CD69: variants seen among roughly 807,000 people sequenced by gnomAD.
CD69 encodes CD69 molecule.
In CD69, 10 loss-of-function variants were observed where a neutral mutation model predicts 21.4. That is an observed-to-expected ratio of 0.47 (90% CI 0.29 to 0.79). The LOEUF is 0.79. CD69 is among the 30% of genes least tolerant of loss of function. The pLI is 0.09. For synonymous variants in CD69, 63 were observed against 78.2 expected, an observed-to-expected ratio of 0.81 and a Z score of 1.03; for missense variants, 204 against 236.9, an observed-to-expected ratio of 0.86 and a Z score of 0.91.
chr12:9,760,727 A>C, intron 1 of CD69, 30 bp downstream of exon 1: 1 of 1,526,792 alleles, frequency 6.5e-7, no homozygotes. Flanking sequence ...GAGATACCAG[A>C]GAGTAAATAG....
At chr12:9,758,267 C>T (rs183870410) in intron 1 of CD69, among the ~76,000 whole-genome samples, 1 of 152,108 alleles carries the variant, frequency 6.6e-6, no homozygotes, top group Non-Finnish European at 1.5e-5. Flanking sequence ...TCTTAAAATG[C>T]GGCCCCACAA....
chr12:9,753,725 C>G (rs1866650216), intron 4 of CD69, 136 bp from the exon 5 acceptor site: 1 of 464,868 alleles, frequency 2.2e-6, no homozygotes, highest in East Asian at 3.4e-5. Flanking sequence ...TAATCATAGA[C>G]TAATCTGTAG....
intron 1 of CD69, among the ~76,000 whole-genome samples, 179 bp downstream of exon 1, chr12:9,760,578 G>A (rs1866724634): frequency 6.6e-6 from 1 of 152,112 alleles, no homozygotes; most frequent in Non-Finnish European, 1.5e-5. Flanking sequence ...TTCTCTAAAA[G>A]ACAAAGCCTC....
At chr12:9,759,910 A>G (rs1470672134) in intron 1 of CD69, among the ~76,000 whole-genome samples, 2 of 152,236 alleles carry the variant, frequency 1.3e-5, no homozygotes, top group African/African-American at 2.4e-5. Flanking sequence ...AATAAGCTAG[A>G]TATGTGGATA....
chr12:9,757,090 T>A (rs1358796591), intron 1 of CD69, among the ~76,000 whole-genome samples: 7 of 152,084 alleles, frequency 4.6e-5, no homozygotes, highest in Admixed American at 2.0e-4. Context: ...AAAAAATAAA[T>A]AAATAAATAA....
intron 3 of CD69, 181 bp downstream of exon 3, chr12:9,754,881 A>C (rs1866665456): frequency 1.5e-6 from 1 of 682,768 alleles, no homozygotes; most frequent in East Asian, 2.7e-5. Flanking sequence ...TTAAAAGATT[A>C]AATTAAATCT....
Position 9,753,363 on chromosome 12 carries a change from A to G in CD69, c.*118T>C, listed in dbSNP as rs970805625. On this transcript the variant is annotated 3_prime_UTR_variant, in exon 5 of 5. Coordinates refer to ENST00000228434, the MANE Select transcript of CD69 (RefSeq NM_001781.2). Reference sequence around the variant, plus strand: ...TTTGGAAGAAAATTCCCAAGACACTATAAAATTTTTTTTCACAAAGTCTCT... The same window carrying G: ...TTTGGAAGAAAATTCCCAAGACACTGTAAAATTTTTTTTCACAAAGTCTCT... The G allele has an allele frequency of 1.3e-5, 6 of 447,266 alleles. No individual in the cohort carries two copies. Among genetic ancestry groups the G allele is most frequent in the Non-Finnish European group, 2.4e-5 (6 of 245,976 alleles). The allele number at this position is 447,266 out of a possible 1,614,324, so 27.7% of individuals were successfully genotyped here.
At position 9,760,830 on chromosome 12, in the gene CD69, C is replaced by T. The variant is rs770857033; in HGVS notation, c.-10G>A. 3.1e-6 allele frequency: 5 copies of T among 1,607,868 alleles called. No homozygotes were observed. In the African/African-American group the frequency reaches 5.3e-5, roughly 17 times the overall value. On this transcript the variant is annotated 5_prime_UTR_variant, in exon 1 of 5. Transcript: ENST00000228434. ...AATTTTCAGAGCTCATCTTTATTCT[C>T]AAGATTCCCTAGTTAATCTCAGGTC... is the stretch of plus-strand genomic sequence containing the variant.
chr12:9,758,812 A>G (rs891173581), intron 1 of CD69, among the ~76,000 whole-genome samples: 32 of 152,218 alleles, frequency 2.1e-4, no homozygotes, highest in Admixed American at 5.9e-4. Flanking sequence ...AGTGAGCACT[A>G]ACACACCCCA....
At chr12:9,754,913 A>G in intron 3 of CD69, 149 bp downstream of exon 3, 1 of 728,880 alleles carries the variant, frequency 1.4e-6, no homozygotes, top group South Asian at 1.8e-5. Flanking sequence ...CAGGCTGATC[A>G]TATGGTTCTC....
chr12:9,759,594 C>T (rs150741356), intron 1 of CD69, among the ~76,000 whole-genome samples: 84 of 152,060 alleles, frequency 5.5e-4, no homozygotes, highest in African/African-American at 1.6e-3. Flanking sequence ...GTAATCCACA[C>T]TATATTTTAT....
At chr12:9,760,900 CTG>C in exon 1 of CD69, 4 of 1,147,798 alleles carry the variant, frequency 3.5e-6, no homozygotes, top group Middle Eastern at 1.9e-4. Context: ...CTTGTTGAGT[CTG>C]TGAGGCTCTG....
rs748250928 is a variant in CD69 at position 9,754,706 on chromosome 12, A to G, written c.388-16T>C. 5 of 1,512,536 alleles carry G rather than the reference A, an allele frequency of 3.3e-6. No individual in the cohort carries two copies. Among genetic ancestry groups the G allele is most frequent in the East Asian group, 2.3e-5 (1 of 44,424 alleles). The allele number at this position is 1,512,536 out of a possible 1,614,324, so 93.7% of individuals were successfully genotyped here. On this transcript the variant is annotated splice_polypyrimidine_tract_variant and intron_variant, in intron 3 of 4. Coordinates refer to ENST00000228434, the MANE Select transcript of CD69 (RefSeq NM_001781.2). ...TTAGAAAGTTCTTAAAGAAAGCACA[A>G]AGGAGTTTGTTACATTAAACACCCT...
chr12:9,754,460 C>T, intron 4 of CD69, 127 bp downstream of exon 4: 1 of 669,440 alleles, frequency 1.5e-6, no homozygotes, highest in Non-Finnish European at 2.7e-6. Flanking sequence ...TATACGCATT[C>T]AGAAGAGATT....
intron 1 of CD69, among the ~76,000 whole-genome samples, chr12:9,759,151 C>A (rs377219426): frequency 7.9e-5 from 12 of 152,074 alleles, no homozygotes; most frequent in Non-Finnish European, 1.3e-4. Flanking sequence ...GGATGGTCTC[C>A]ATCTCCTGAC....
chr12:9,755,082 T>C lies in CD69; in HGVS notation c.367A>G (p.Ile123Val). 6.2e-7 allele frequency: 1 copy of C among 1,613,962 alleles called. No homozygotes were observed. The highest frequency in any genetic ancestry group is 8.5e-7 in the Non-Finnish European group (1 of 1,179,834). ...CTTACCATGTCCTTTTCAGAATCAA[T>C]GACAGCAAGAGTAGCACCATGTTCA... ...CSEHGATLAV[I>V]DSEKDMNFLK... Residue 123 changes from isoleucine (I) to valine (V), a missense_variant, in exon 3 of 5, where the codon ATT becomes GTT. Coordinates refer to ENST00000228434, the MANE Select transcript of CD69 (RefSeq NM_001781.2).
intron 1 of CD69, among the ~76,000 whole-genome samples, chr12:9,760,336 A>G (rs1421536076): frequency 6.6e-6 from 1 of 152,228 alleles, no homozygotes; most frequent in Non-Finnish European, 1.5e-5. Flanking sequence ...AAAGAGAGAC[A>G]ACACTTCCTG....
In CD69 at chr12:9,755,355, G is replaced by T. The variant is rs543861382; in HGVS notation, c.188-94C>A. ...CTTAGGATGCTATGTTGTGCTAGGT[G>T]GTGATAAAGTAAAGGATAAAAGCTA... On this transcript the variant is annotated intron_variant, in intron 2 of 4. Coordinates refer to ENST00000228434, the MANE Select transcript of CD69 (RefSeq NM_001781.2). 38 of 1,004,018 alleles carry T rather than the reference G, an allele frequency of 3.8e-5. 1 individual carries two copies. In the South Asian group the frequency reaches 4.8e-4, roughly 13 times the overall value. 62.2% of individuals were successfully genotyped at this position (1,004,018 alleles called of 1,614,324 possible).
intron 1 of CD69, among the ~76,000 whole-genome samples, chr12:9,759,178 C>T (rs951680606): frequency 6.6e-6 from 1 of 152,266 alleles, no homozygotes; most frequent in East Asian, 1.9e-4. Flanking sequence ...ATCCGCCCAC[C>T]TCGGCCTCCC....
Sources: gnomAD v4.1 joint callset for allele counts (sites outside exome capture counted in the v4.1 genomes callset) on GRCh38, gnomAD v4.1.1 for gene constraint, MANE v1.5 for transcripts, NCBI Gene and HGNC (gene_info 2026-07-23, HGNC 2026-07-21) for gene names.